FOXP1: variants seen among roughly 807,000 people sequenced by gnomAD.
FOXP1 encodes forkhead box P1.
In FOXP1, 15 loss-of-function variants were observed where a neutral mutation model predicts 98.2. That is an observed-to-expected ratio of 0.15 (90% confidence interval 0.10 to 0.24). The LOEUF is 0.24. Ranked by LOEUF, FOXP1 falls within the 10% of genes least tolerant of loss-of-function variation. The pLI, the probability that FOXP1 is intolerant of heterozygous loss-of-function variation, is 1.00. For synonymous variants in FOXP1, 371 were observed against 314.5 expected, an observed-to-expected ratio of 1.18 and a Z score of -1.90; for missense variants, 633 against 848.5, an observed-to-expected ratio of 0.75 and a Z score of 3.15.
intron 17 of FOXP1, among the ~76,000 whole-genome samples, chr3:70,975,854 A>C (rs998414176): frequency 6.6e-6 from 1 of 152,194 alleles, no homozygotes; most frequent in African/African-American, 2.4e-5. Context: ...ATAAGGGAGT[A>C]AATACCAGTG....
In FOXP1 at chr3:71,492,275, A is replaced by C. The variant is rs551491993; in HGVS notation, c.-168+1151T>G. ...GAGACCAGCCTGGCCAATGTGGTGA[A>C]ACCCTGTCTCTCCTAAAAGTACAAA... On this transcript the variant is annotated intron_variant, in intron 3 of 20. Coordinates refer to ENST00000649528, the MANE Select transcript of FOXP1 (RefSeq NM_001349338.3). 6.2e-4 allele frequency among the ~76,000 whole-genome samples: 94 copies of C among 152,126 alleles called. 2 individuals are homozygous for C. In the South Asian group the frequency reaches 0.019, roughly 31 times the overall value.
intron 7 of FOXP1, among the ~76,000 whole-genome samples, chr3:71,055,978 A>G (rs1205306608): frequency 1.3e-5 from 2 of 152,214 alleles, no homozygotes; most frequent in Non-Finnish European, 2.9e-5. Flanking sequence ...AGAAATCATG[A>G]TAGAAATAAC....
intron 17 of FOXP1, 31 bp from the exon 18 acceptor site, chr3:70,972,707 C>CATTTTCT: frequency 1.9e-6 from 3 of 1,611,046 alleles, no homozygotes; most frequent in Non-Finnish European, 2.5e-6. Context: ...AGAACATTTA[C>CATTTTCT]ATTTTCTATA....
At chr3:71,321,411 G>C (rs1470595939) in intron 4 of FOXP1, among the ~76,000 whole-genome samples, 1 of 152,136 alleles carries the variant, frequency 6.6e-6, no homozygotes, top group African/African-American at 2.4e-5. Context: ...CCAGACTCAA[G>C]AAATGGTGTC....
intron 14 of FOXP1, among the ~76,000 whole-genome samples, chr3:70,981,873 G>T (rs974485473): frequency 6.6e-6 from 1 of 152,164 alleles, no homozygotes; most frequent in Non-Finnish European, 1.5e-5. Flanking sequence ...AACATGACTA[G>T]CCCGTGAGGG....
Position 71,529,433 on chromosome 3 carries a change from T to C in FOXP1, c.-297-35878A>G, listed in dbSNP as rs149278287. ...TCTTGGCACATAGTCCTTAAAAACT[T>C]TGGAAACCCCAAAGTGATAATTGTC... On this transcript the variant is annotated intron_variant, in intron 2 of 20. Transcript: ENST00000649528. 2.3e-3 allele frequency among the ~76,000 whole-genome samples: 356 copies of C among 152,280 alleles called. 1 individual carries two copies. Among genetic ancestry groups the C allele is most frequent in the African/African-American group, 8.2e-3 (342 of 41,552 alleles).
chr3:71,446,323 A>G (rs9876212), intron 3 of FOXP1, among the ~76,000 whole-genome samples: 111,565 of 151,930 alleles, frequency 0.73, 42,715 homozygotes, highest in Non-Finnish European at 0.81. Flanking sequence ...GTAATATAAT[A>G]TGTTGTTGGC....
chr3:71,505,051 C>A (rs1396251408), intron 2 of FOXP1, among the ~76,000 whole-genome samples: 1 of 152,234 alleles, frequency 6.6e-6, no homozygotes, highest in African/African-American at 2.4e-5. Flanking sequence ...AGAGCCACAT[C>A]TTTCTGAAAC....
chr3:71,367,657 T>C (rs1405128323), intron 3 of FOXP1, among the ~76,000 whole-genome samples: 1 of 152,214 alleles, frequency 6.6e-6, no homozygotes, highest in Non-Finnish European at 1.5e-5. Flanking sequence ...AACAGTGTAC[T>C]ATAAACACTC....
intron 3 of FOXP1, among the ~76,000 whole-genome samples, chr3:71,362,272 A>G (rs143487931): frequency 6.6e-6 from 1 of 152,280 alleles, no homozygotes; most frequent in East Asian, 1.9e-4. Flanking sequence ...CCTGGGTTCA[A>G]GCAATTCTTC....
At chr3:70,980,058 G>A (rs750147884) in intron 14 of FOXP1, among the ~76,000 whole-genome samples, 1 of 152,196 alleles carries the variant, frequency 6.6e-6, no homozygotes, top group Non-Finnish European at 1.5e-5. Context: ...GCCCCAGCAA[G>A]CTGAGCAGAT....
chr3:71,208,605 G>T (rs1006426723), intron 5 of FOXP1, among the ~76,000 whole-genome samples: 17 of 149,496 alleles, frequency 1.1e-4, no homozygotes, highest in Non-Finnish European at 1.9e-4. Context: ...GCTCACACCC[G>T]CAAACAAAGC....
At chr3:71,360,168 T>C (rs1168027242) in intron 3 of FOXP1, among the ~76,000 whole-genome samples, 1 of 152,172 alleles carries the variant, frequency 6.6e-6, no homozygotes, top group Non-Finnish European at 1.5e-5. Flanking sequence ...AAAAAGAAGA[T>C]CCATAGGTCC....
rs542375409 is a variant in FOXP1 at position 71,051,025 on chromosome 3, C to T, written c.510+1512G>A. 2.0e-5 allele frequency among the ~76,000 whole-genome samples: 3 copies of T among 152,242 alleles called. No homozygotes were observed. In the South Asian group the frequency reaches 6.2e-4, roughly 32 times the overall value. ...AATCATTTCTTTGTCCAGAGTGATG[C>T]CTGCAATCCCAGAGTCATTAACGCG... On this transcript the variant is annotated intron_variant, in intron 9 of 20. Coordinates refer to ENST00000649528, the MANE Select transcript of FOXP1 (RefSeq NM_001349338.3).
intron 2 of FOXP1, among the ~76,000 whole-genome samples, chr3:71,565,536 A>C (rs944386097): frequency 1.3e-5 from 2 of 152,188 alleles, no homozygotes; most frequent in Non-Finnish European, 2.9e-5. Flanking sequence ...TGGAAAAATC[A>C]ATCTGTCAGG....
intron 1 of FOXP1, 98 bp downstream of exon 1, chr3:71,583,465 CTTTTTTTT>C (rs1195207970): frequency 7.6e-5 from 56 of 736,102 alleles, no homozygotes; most frequent in Admixed American, 2.1e-4. Flanking sequence ...TTCTTTCTTT[CTTTTTTTT>C]TTTTTGTGCT....
At chr3:71,413,731 C>T (rs11128214) in intron 3 of FOXP1, among the ~76,000 whole-genome samples, 27,234 of 152,002 alleles carry the variant, frequency 0.18, 2,685 homozygotes, top group South Asian at 0.3. Flanking sequence ...ACAGCATGTA[C>T]GGTATGACCT....
chr3:71,219,890 C>G lies in FOXP1; in HGVS notation c.-11-21498G>C, dbSNP rs2065225682. ...ACTCTCTCTCTCTCCTGTTTCCACC[C>G]TATCTATCTACACTGTAGCCACACT... On this transcript the variant is annotated intron_variant, in intron 5 of 20. Coordinates refer to ENST00000649528, the MANE Select transcript of FOXP1 (RefSeq NM_001349338.3). Among the ~76,000 whole-genome samples, 4 of 152,226 alleles carry G rather than the reference C, an allele frequency of 2.6e-5. No homozygotes were observed. The South Asian group carries it at 8.3e-4, about 32-fold the overall frequency.
At chr3:71,376,063 G>A (rs1268804209) in intron 3 of FOXP1, among the ~76,000 whole-genome samples, 1 of 152,088 alleles carries the variant, frequency 6.6e-6, no homozygotes, top group East Asian at 1.9e-4. Flanking sequence ...GGTCAATACT[G>A]TTTTTGCTCA....
Sources: gnomAD v4.1 joint callset for allele counts (sites outside exome capture counted in the v4.1 genomes callset) on GRCh38, gnomAD v4.1.1 for gene constraint, MANE v1.5 for transcripts, NCBI Gene and HGNC (gene_info 2026-07-23, HGNC 2026-07-21) for gene names.